The following RBMS3 variants were observed in gnomAD, a reference collection of about 807,000 sequenced individuals.
The protein encoded by RBMS3 is RNA binding motif single stranded interacting protein 3.
In RBMS3, 27 loss-of-function variants were observed where a neutral mutation model predicts 66.8. The ratio of observed to expected loss-of-function variants is 0.40; its 90% CI spans 0.30 to 0.56. The LOEUF is 0.56. Ranked by LOEUF, RBMS3 falls within the 20% of genes least tolerant of loss-of-function variation. The pLI is 0.40. For synonymous variants in RBMS3, 188 were observed against 183.0 expected, an observed-to-expected ratio of 1.03 and a Z score of -0.22; for missense variants, 513 against 549.5, an observed-to-expected ratio of 0.93 and a Z score of 0.66.
At chr3:29,663,186 A>G (rs1419453573) in intron 4 of RBMS3, among the ~76,000 whole-genome samples, 1 of 152,192 alleles carries the variant, frequency 6.6e-6, no homozygotes, top group African/African-American at 2.4e-5. Flanking sequence ...CTTGTGGAAT[A>G]AATTTTTTTA....
intron 2 of RBMS3, among the ~76,000 whole-genome samples, chr3:29,456,745 TTAAG>T (rs1158907131): frequency 2.0e-5 from 3 of 152,330 alleles, no homozygotes; most frequent in African/African-American, 4.8e-5. Context: ...ACTCTCATCT[TTAAG>T]TAAGTGTGTT....
intron 5 of RBMS3, among the ~76,000 whole-genome samples, chr3:29,744,835 AATT>A (rs1431828170): frequency 2.6e-5 from 4 of 152,056 alleles, no homozygotes; most frequent in African/African-American, 9.7e-5. Context: ...CCTAGCCAAT[AATT>A]GTGTCTAGTA....
chr3:29,886,279 T>C (rs1050277399), intron 8 of RBMS3, among the ~76,000 whole-genome samples: 18 of 151,884 alleles, frequency 1.2e-4, no homozygotes, highest in African/African-American at 4.1e-4. Context: ...AAATAGCTTA[T>C]ATGGATTATT....
Position 29,582,199 on chromosome 3 carries a change from C to T in RBMS3, c.308-4915C>T, listed in dbSNP as rs908752980. ...ATAGATAGATAGATAGATAGATACACACACACATACATACAGTTTTTTCTC... is the reference window on the plus strand; with the variant it reads ...ATAGATAGATAGATAGATAGATACATACACACATACATACAGTTTTTTCTC... On this transcript the variant is annotated intron_variant, in intron 3 of 14. Transcript: ENST00000383767. Among the ~76,000 whole-genome samples the T allele has an allele frequency of 3.7e-5, 5 of 133,566 alleles. 1 individual carries two copies. The allele number at this position is 133,566 out of a possible 152,430, so 87.6% of individuals were successfully genotyped here. A position where few individuals can be genotyped will look rare whatever the true frequency, so the allele number is the denominator to read the frequency against.
chr3:29,840,421 T>A (rs534088263), intron 6 of RBMS3, among the ~76,000 whole-genome samples: 1 of 152,040 alleles, frequency 6.6e-6, no homozygotes, highest in Non-Finnish European at 1.5e-5. Flanking sequence ...ATTTTACATT[T>A]TTGAAGATTT....
At chr3:29,938,697 T>A (rs750797850) in intron 11 of RBMS3, among the ~76,000 whole-genome samples, 1 of 151,958 alleles carries the variant, frequency 6.6e-6, no homozygotes, top group Non-Finnish European at 1.5e-5. Context: ...AAATCAGATT[T>A]TTCTACCTTA....
At chr3:29,693,622 T>G (rs1559576152) in intron 4 of RBMS3, among the ~76,000 whole-genome samples, 2 of 152,174 alleles carry the variant, frequency 1.3e-5, no homozygotes, top group Non-Finnish European at 2.9e-5. Flanking sequence ...TTGCAAAGAT[T>G]AACTACTATT....
chr3:29,388,727 A>G (rs940607500), intron 1 of RBMS3, among the ~76,000 whole-genome samples: 14 of 152,188 alleles, frequency 9.2e-5, no homozygotes, highest in Non-Finnish European at 8.8e-5. Context: ...CACTATGCCC[A>G]GCTAATTTTA....
At chr3:29,304,477 G>C (rs1332393310) in intron 1 of RBMS3, among the ~76,000 whole-genome samples, 1 of 151,898 alleles carries the variant, frequency 6.6e-6, no homozygotes, top group Non-Finnish European at 1.5e-5. Flanking sequence ...TGGATCAATT[G>C]ATAACACAAT....
intron 3 of RBMS3, among the ~76,000 whole-genome samples, chr3:29,498,009 T>TTTTTTTTTG: frequency 8.9e-6 from 1 of 112,842 alleles, no homozygotes; most frequent in Non-Finnish European, 1.7e-5. Context: ...TTTTTTTTTT[T>TTTTTTTTTG]TGGGAGACAG....
chr3:29,469,268 A>G (rs771396365), intron 2 of RBMS3, among the ~76,000 whole-genome samples: 27 of 152,082 alleles, frequency 1.8e-4, no homozygotes, highest in South Asian at 2.1e-4. Flanking sequence ...AAGGCTGTGG[A>G]GAAACTATTA....
At chr3:29,592,642 G>C (rs1426127394) in intron 4 of RBMS3, among the ~76,000 whole-genome samples, 1 of 152,138 alleles carries the variant, frequency 6.6e-6, no homozygotes, top group Non-Finnish European at 1.5e-5. Context: ...ATTTGACCCA[G>C]TGATCCCATT....
At position 29,565,728 on chromosome 3, in the gene RBMS3, G is replaced by T. The variant is rs974193912; in HGVS notation, c.308-21386G>T. 2.0e-5 allele frequency among the ~76,000 whole-genome samples: 3 copies of T among 152,044 alleles called. No individual in the cohort carries two copies. In the East Asian group the frequency reaches 5.8e-4, roughly 29 times the overall value. On this transcript the variant is annotated intron_variant, in intron 3 of 14. Coordinates refer to ENST00000383767, the MANE Select transcript of RBMS3 (RefSeq NM_001003793.3). Reference sequence around the variant, plus strand: ...AACACTAGATATCCTTGTTTTCAATGCATATTTGACAATTTAGAAAAGGTA... The same window carrying T: ...AACACTAGATATCCTTGTTTTCAATTCATATTTGACAATTTAGAAAAGGTA...
At chr3:29,467,764 T>C (rs1359906231) in intron 2 of RBMS3, among the ~76,000 whole-genome samples, 1 of 152,220 alleles carries the variant, frequency 6.6e-6, no homozygotes, top group African/African-American at 2.4e-5. Flanking sequence ...GGATATGTGC[T>C]ATCAAGACTA....
At chr3:29,697,468 C>T (rs1293655136) in intron 4 of RBMS3, among the ~76,000 whole-genome samples, 2 of 152,208 alleles carry the variant, frequency 1.3e-5, no homozygotes, top group Non-Finnish European at 2.9e-5. Context: ...ATCTGAGCTA[C>T]CTTGTTTACC....
At chr3:29,532,627 G>A (rs995587129) in intron 3 of RBMS3, among the ~76,000 whole-genome samples, 2 of 152,072 alleles carry the variant, frequency 1.3e-5, no homozygotes, top group African/African-American at 4.8e-5. Context: ...CTACTCAGGA[G>A]GATGAGGCAG....
intron 1 of RBMS3, among the ~76,000 whole-genome samples, chr3:29,409,297 C>A (rs2125680830): frequency 6.6e-6 from 1 of 151,698 alleles, no homozygotes; most frequent in African/African-American, 2.4e-5. Context: ...GGCTGGGACA[C>A]CTCAGTTGCG....
chr3:29,284,862 C>CTTTTT (rs773078453), intron 1 of RBMS3, among the ~76,000 whole-genome samples: 13 of 112,760 alleles, frequency 1.2e-4, no homozygotes, highest in African/African-American at 2.7e-4. Context: ...ATGAATTTTT[C>CTTTTT]TTTTTTTTTT....
intron 3 of RBMS3, among the ~76,000 whole-genome samples, chr3:29,500,551 A>G (rs1414169796): frequency 1.3e-5 from 2 of 151,846 alleles, no homozygotes; most frequent in African/African-American, 4.8e-5. Flanking sequence ...GGATTATACC[A>G]TGTTTTTACT....
Sources: allele counts gnomAD v4.1 joint callset (sites outside exome capture counted in the v4.1 genomes callset), GRCh38; gene constraint gnomAD v4.1.1; transcripts MANE v1.5; gene names NCBI Gene and HGNC (gene_info 2026-07-23, HGNC 2026-07-21).